SYBU: variants seen among roughly 807,000 people sequenced by gnomAD.
SYBU encodes the protein GOLSYN A protein.
In SYBU, 21 loss-of-function variants were observed where a neutral mutation model predicts 35.9. The ratio of observed to expected loss-of-function variants is 0.58; its 90% CI spans 0.41 to 0.84. SYBU has a LOEUF of 0.84. Among genes scored for constraint, SYBU ranks in the 40% least tolerant of loss-of-function variants. The pLI, the probability that SYBU is intolerant of heterozygous loss-of-function variation, is 0.00. For missense variants in SYBU, 768 were observed against 848.2 expected, an observed-to-expected ratio of 0.91 and a Z score of 1.17; for synonymous variants, 319 against 324.3, an observed-to-expected ratio of 0.98 and a Z score of 0.18.
chr8:109,596,530 T>C (rs1824899659), intron 3 of SYBU, among the ~76,000 whole-genome samples: 1 of 152,244 alleles, frequency 6.6e-6, no homozygotes, highest in South Asian at 2.1e-4. Context: ...CACATCTATG[T>C]ATTTTTAAAA....
chr8:109,597,367 G>T (rs139110992), intron 3 of SYBU, among the ~76,000 whole-genome samples: 132 of 152,278 alleles, frequency 8.7e-4, no homozygotes, highest in African/African-American at 3.1e-3. Flanking sequence ...GCGAAGAAAA[G>T]ATCATCATTT....
chr8:109,667,215 C>A (rs762059010), intron 1 of SYBU, among the ~76,000 whole-genome samples: 6 of 152,060 alleles, frequency 3.9e-5, no homozygotes, highest in Non-Finnish European at 8.8e-5. Context: ...CTCCCGGGTT[C>A]AGGCCATTCT....
rs535652540 is a variant in SYBU, at chr8:109,651,448, C to CTT, written c.-129+29261_-129+29262dup. Among the ~76,000 whole-genome samples the CTT allele has an allele frequency of 1.5e-3, 94 of 64,500 alleles. 8 individuals are homozygous for CTT. Among genetic ancestry groups the CTT allele is most frequent in the Non-Finnish European group, 2.2e-3 (71 of 32,692 alleles). The allele number at this position is 64,500 out of a possible 152,430, so 42.3% of individuals were successfully genotyped here. A position where few individuals can be genotyped will look rare whatever the true frequency, so the allele number is the denominator to read the frequency against. ...GAGTCTCATAGGCCTGAAATTGAGA[C>CTT]TTTTTTTTTTTTTTTTTTTTTTTTT... On this transcript the variant is annotated intron_variant, in intron 1 of 5. Coordinates refer to the SYBU transcript ENST00000408889.
At chr8:109,663,258 CAGATAGATAGATAGATAGAT>C (rs67666534) in intron 1 of SYBU, among the ~76,000 whole-genome samples, 2 of 149,028 alleles carry the variant, frequency 1.3e-5, no homozygotes, top group South Asian at 2.1e-4. Flanking sequence ...AAAATACATA[CAGATAGATAGATAGATAGAT>C]AGATAGATAG....
intron 1 of SYBU, among the ~76,000 whole-genome samples, chr8:109,652,248 A>G (rs1816174025): frequency 6.6e-6 from 1 of 152,206 alleles, no homozygotes; most frequent in Admixed American, 6.5e-5. Flanking sequence ...GAGTTTTAAG[A>G]TGAATTTTGA....
chr8:109,644,930 G>C (rs910230545), upstream of SYBU: 21 of 537,718 alleles, frequency 3.9e-5, no homozygotes, highest in Non-Finnish European at 6.4e-5. Flanking sequence ...TGCGGCCTTC[G>C]GGGCAACTCG....
chr8:109,592,121 C>A (rs551801554), intron 3 of SYBU, among the ~76,000 whole-genome samples: 1 of 152,274 alleles, frequency 6.6e-6, no homozygotes, highest in South Asian at 2.1e-4. Flanking sequence ...GCTGAAACTA[C>A]TGGTACAGTG....
upstream of SYBU, among the ~76,000 whole-genome samples, chr8:109,649,248 C>T (rs374224764): frequency 4.6e-5 from 7 of 151,950 alleles, no homozygotes; most frequent in East Asian, 1.9e-4. Context: ...GTGATCTGCC[C>T]GCCTCGGCCT....
Position 109,577,959 on chromosome 8 carries a change from C to G in SYBU, c.793G>C (p.Glu265Gln), listed in dbSNP as rs903524648. Reference sequence around the variant, plus strand: ...TGCTGCAGTGGAGTCAAATACTGCTCTGGGTTTGGGGGTCTGACACCATGA... The same window carrying G: ...TGCTGCAGTGGAGTCAAATACTGCTGTGGGTTTGGGGGTCTGACACCATGA... ...ENHGVRPPNP[E>Q]QYLTPLQQKE... Residue 265 changes from glutamate to glutamine, a missense_variant, in exon 6 of 7, where the codon GAG becomes CAG. Physicochemically the swap from Glu to Gln is conservative, Grantham distance 29. Coordinates refer to ENST00000276646, the MANE Select transcript of SYBU (RefSeq NM_001099754.2). 2 of 1,613,864 alleles carry G rather than the reference C, an allele frequency of 1.2e-6. No individual in the cohort carries two copies. The highest frequency in any genetic ancestry group is 2.7e-5 in the African/African-American group (2 of 74,904).
At chr8:109,598,760 A>AC (rs1825171427) in intron 3 of SYBU, among the ~76,000 whole-genome samples, 1 of 152,232 alleles carries the variant, frequency 6.6e-6, no homozygotes, top group Non-Finnish European at 1.5e-5. Context: ...GTTGTAGATG[A>AC]CCTAGTTTCT....
Position 109,584,817 on chromosome 8 carries a change from A to T in SYBU, c.530+1243T>A, listed in dbSNP as rs1239373553. On this transcript the variant is annotated intron_variant, in intron 4 of 6. Coordinates refer to ENST00000276646, the MANE Select transcript of SYBU (RefSeq NM_001099754.2). The surrounding 1 kb of genome is among the most constrained non-coding windows in gnomAD (Gnocchi z 4.0). Reference sequence around the variant, plus strand: ...CTGGAAAGGCAGGCTTTTGGAAACTAAATAGATTTTCTCCAGGAAGAGACC... The same window carrying T: ...CTGGAAAGGCAGGCTTTTGGAAACTTAATAGATTTTCTCCAGGAAGAGACC... Among the ~76,000 whole-genome samples the T allele has an allele frequency of 6.6e-6, 1 of 152,140 alleles. No individual in the cohort carries two copies. Among genetic ancestry groups the T allele is most frequent in the African/African-American group, 2.4e-5 (1 of 41,418 alleles).
intron 1 of SYBU, among the ~76,000 whole-genome samples, chr8:109,679,557 A>G (rs1817326859): frequency 6.6e-6 from 1 of 152,222 alleles, no homozygotes; most frequent in Non-Finnish European, 1.5e-5. Flanking sequence ...CAATAATGGC[A>G]CTATTCTTAT....
At chr8:109,684,782 T>C (rs186353749), upstream of SYBU, among the ~76,000 whole-genome samples, 2 of 152,342 alleles carry the variant, frequency 1.3e-5, no homozygotes, top group African/African-American at 4.8e-5. Context: ...TCTGTCATTT[T>C]TCTTCCTCTT....
intron 3 of SYBU, among the ~76,000 whole-genome samples, chr8:109,587,548 C>T (rs1269022310): frequency 6.6e-6 from 1 of 152,192 alleles, no homozygotes; most frequent in South Asian, 2.1e-4. Flanking sequence ...ATTACCATCT[C>T]CCTAAAAGGT....
intron 1 of SYBU, among the ~76,000 whole-genome samples, chr8:109,659,972 C>T (rs1816502331): frequency 6.6e-6 from 1 of 151,990 alleles, no homozygotes; most frequent in Non-Finnish European, 1.5e-5. Flanking sequence ...TTTATATCAA[C>T]CTTAACATTT....
chr8:109,586,226 TCC>T (rs1383254631), intron 3 of SYBU, 64 bp from the exon 4 acceptor site: 1 of 1,213,594 alleles, frequency 8.2e-7, no homozygotes, highest in African/African-American at 1.5e-5. Flanking sequence ...ATTGGCCAGT[TCC>T]CTGCCTTCCA....
At chr8:109,661,628 C>A (rs1307106515) in intron 1 of SYBU, among the ~76,000 whole-genome samples, 2 of 152,110 alleles carry the variant, frequency 1.3e-5, no homozygotes, top group Non-Finnish European at 2.9e-5. Flanking sequence ...CAAGAAGAAG[C>A]AAACCAGAAA....
chr8:109,669,159 G>T (rs941750551), intron 1 of SYBU, among the ~76,000 whole-genome samples: 2 of 151,810 alleles, frequency 1.3e-5, no homozygotes, highest in Non-Finnish European at 2.9e-5. Flanking sequence ...TGGCTAACAC[G>T]GTGAAACCCC....
At chr8:109,634,091 T>G (rs1813937547) in intron 2 of SYBU, among the ~76,000 whole-genome samples, 1 of 152,178 alleles carries the variant, frequency 6.6e-6, no homozygotes, top group South Asian at 2.1e-4. Context: ...TTTTTGTGAC[T>G]GAAAAATAAC....
Sources: gnomAD v4.1 joint callset for allele counts (sites outside exome capture counted in the v4.1 genomes callset) on GRCh38, gnomAD v4.1.1 for gene constraint, Gnocchi (gnomAD v3.1) non-coding constraint, MANE v1.5 for transcripts, NCBI Gene and HGNC (gene_info 2026-07-23, HGNC 2026-07-21) for gene names.